PRKAR1A: variants seen among roughly 807,000 people sequenced by gnomAD.
PRKAR1A encodes the protein cAMP-dependent protein kinase type I-alpha regulatory subunit.
Under a neutral mutation model 52.0 loss-of-function variants are expected in PRKAR1A, and 3 were observed. The observed-to-expected ratio is 0.06, with a 90% CI of 0.03 to 0.15. The LOEUF is 0.15. Among genes scored for constraint, PRKAR1A ranks in the 10% least tolerant of loss-of-function variants. PRKAR1A has a pLI of 1.00. For synonymous variants in PRKAR1A, 188 were observed against 168.4 expected, an observed-to-expected ratio of 1.12 and a Z score of -0.90; for missense variants, 240 against 477.4, an observed-to-expected ratio of 0.50 and a Z score of 4.63.
chr17:68,440,515 A>T, the PRKAR1A span, among the ~76,000 whole-genome samples: 1 of 152,172 alleles, frequency 6.6e-6, no homozygotes, highest in Admixed American at 6.5e-5. Flanking sequence ...AAAATCACCC[A>T]CAATTCTAAA....
the PRKAR1A span, among the ~76,000 whole-genome samples, chr17:68,474,680 G>A: frequency 6.6e-6 from 1 of 152,156 alleles, no homozygotes. Context: ...CGGATAACGA[G>A]GTCAGGAGAT....
chr17:68,471,819 T>A, the PRKAR1A span, among the ~76,000 whole-genome samples: 1 of 152,044 alleles, frequency 6.6e-6, no homozygotes, highest in African/African-American at 2.4e-5. Flanking sequence ...CTTTTTTTTT[T>A]AGACAGAGTC....
intron 11 of PRKAR1A, chr17:68,541,313 T>TA: frequency 6.1e-6 from 2 of 327,708 alleles, no homozygotes; most frequent in South Asian, 5.8e-5. Context: ...GCGCCACTCA[T>TA]AGCACCTCCA....
chr17:68,468,274 A>G, the PRKAR1A span, among the ~76,000 whole-genome samples: 1 of 152,186 alleles, frequency 6.6e-6, no homozygotes, highest in African/African-American at 2.4e-5. Flanking sequence ...TGATATCTGC[A>G]TCTGGGGCTA....
At chr17:68,543,648 C>G in intron 11 of PRKAR1A, 1 of 1,614,008 alleles carries the variant, frequency 6.2e-7, no homozygotes, top group South Asian at 1.1e-5. Flanking sequence ...TGGAAAGCTG[C>G]GATCTCAGCA....
chr17:68,472,378 C>T, the PRKAR1A span, among the ~76,000 whole-genome samples: 2 of 152,150 alleles, frequency 1.3e-5, no homozygotes, highest in African/African-American at 4.8e-5. Context: ...AGGTGGAACT[C>T]CCAGGAACTT....
intron 11 of PRKAR1A, among the ~76,000 whole-genome samples, chr17:68,544,561 C>T (rs1280286954): frequency 2.6e-5 from 4 of 152,154 alleles, no homozygotes; most frequent in African/African-American, 4.8e-5. Flanking sequence ...TGTAAATAAA[C>T]GTGATGTTGC....
At chr17:68,495,347 G>C in the PRKAR1A span, among the ~76,000 whole-genome samples, 7 of 152,122 alleles carry the variant, frequency 4.6e-5, no homozygotes, top group African/African-American at 1.7e-4. Context: ...GCTTCTTCTA[G>C]GTTCCTGAAC....
chr17:68,459,952 C>T, the PRKAR1A span, among the ~76,000 whole-genome samples: 2 of 151,800 alleles, frequency 1.3e-5, no homozygotes, highest in South Asian at 4.2e-4. Context: ...TCCCAAGCAG[C>T]TGGGACTTCA....
rs775391197 is a variant in PRKAR1A at position 68,524,012 on chromosome 17, G to A, written c.441-4G>A. The A allele has an allele frequency of 1.9e-6, 3 of 1,613,998 alleles. No homozygotes were observed. The highest frequency in any genetic ancestry group is 2.2e-5 in the South Asian group (2 of 91,078). ...TGTAACACGAGGCCTTCTCTCTTTT[G>A]CAGTGATATTTTTGATGCCATGTTT... On this transcript the variant is annotated splice_polypyrimidine_tract_variant and splice_region_variant and intron_variant, in intron 4 of 10. Coordinates refer to ENST00000589228, the MANE Select transcript of PRKAR1A (RefSeq NM_002734.5).
At chr17:68,502,625 G>A in the PRKAR1A span, among the ~76,000 whole-genome samples, 7 of 151,962 alleles carry the variant, frequency 4.6e-5, no homozygotes, top group African/African-American at 1.2e-4. Context: ...GGTGGTGGGC[G>A]TCTGTAATCC....
chr17:68,492,847 CT>C, the PRKAR1A span, among the ~76,000 whole-genome samples: 1 of 152,114 alleles, frequency 6.6e-6, no homozygotes, highest in East Asian at 1.9e-4. Context: ...GATCTCATTC[CT>C]TTTTTATGGC....
chr17:68,423,449 A>G, the PRKAR1A span, among the ~76,000 whole-genome samples: 1 of 152,158 alleles, frequency 6.6e-6, no homozygotes, highest in Non-Finnish European at 1.5e-5. This position sits in a 1 kb window ranked among gnomAD's most constrained non-coding sequence, Gnocchi z 4.4. Flanking sequence ...GCAGACTGAG[A>G]GGTTGGTGGC....
the PRKAR1A span, among the ~76,000 whole-genome samples, chr17:68,458,986 G>A: frequency 6.6e-6 from 1 of 152,084 alleles, no homozygotes; most frequent in African/African-American, 2.4e-5. Context: ...GATGAACAAA[G>A]GGCACTATTT....
At chr17:68,457,199 G>T in the PRKAR1A span, 3 of 951,160 alleles carry the variant, frequency 3.2e-6, no homozygotes, top group East Asian at 9.9e-5. Context: ...GGGATAACAA[G>T]ATCCCAATGC....
chr17:68,421,458 T>C, the PRKAR1A span: 1 of 356,970 alleles, frequency 2.8e-6, no homozygotes, highest in Non-Finnish European at 5.3e-6. Flanking sequence ...TTACACGGCA[T>C]ATATTTAAAA....
the PRKAR1A span, among the ~76,000 whole-genome samples, chr17:68,476,959 C>A: frequency 5.3e-5 from 8 of 151,974 alleles, no homozygotes; most frequent in African/African-American, 1.7e-4. Flanking sequence ...CGTGCTCGGC[C>A]GAGATTTCTA....
chr17:68,435,865 G>A, the PRKAR1A span, among the ~76,000 whole-genome samples: 1 of 152,224 alleles, frequency 6.6e-6, no homozygotes, highest in Non-Finnish European at 1.5e-5. Context: ...TAAGCTGTGT[G>A]TCATTTTCTG....
At chr17:68,419,796 GAAA>G in the PRKAR1A span, among the ~76,000 whole-genome samples, 1 of 137,288 alleles carries the variant, frequency 7.3e-6, no homozygotes, top group Non-Finnish European at 1.6e-5. Context: ...CCTGTCTCTG[GAAA>G]AAAAAAAAAA....
Sources: allele counts gnomAD v4.1 joint callset (sites outside exome capture counted in the v4.1 genomes callset), GRCh38; gene constraint gnomAD v4.1.1; non-coding constraint Gnocchi (gnomAD v3.1); transcripts MANE v1.5; gene names NCBI Gene and HGNC (gene_info 2026-07-23, HGNC 2026-07-21).